FYB2: variants seen among roughly 807,000 people sequenced by gnomAD.
FYB2 encodes FYN binding protein 2.
In FYB2, 103 loss-of-function variants were observed where a neutral mutation model predicts 94.1. The ratio of observed to expected loss-of-function variants is 1.09; its 90% CI spans 0.93 to 1.29. The LOEUF is 1.29. FYB2 is among the 50% of genes most tolerant of loss of function. FYB2 has a pLI of 0.00. For missense variants in FYB2, 896 were observed against 841.5 expected (o/e 1.06, Z -0.80); for synonymous variants, 293 against 287.9 (o/e 1.02, Z -0.18).
chr1:56,788,882 A>C (rs1292307133), intron 3 of FYB2, 91 bp downstream of exon 3: 1 of 1,526,628 alleles, frequency 6.6e-7, no homozygotes, highest in African/African-American at 1.4e-5. Flanking sequence ...GCCTCATGGA[A>C]AAGCAGCAGC....
intron 6 of FYB2, among the ~76,000 whole-genome samples, chr1:56,756,636 A>G (rs1645338735): frequency 1.3e-5 from 2 of 152,182 alleles, no homozygotes; most frequent in African/African-American, 4.8e-5. Context: ...AGCAAATTAG[A>G]TGCAGCACTG....
At chr1:56,742,253 A>G in intron 11 of FYB2, 32 bp from the exon 12 acceptor site, 1 of 1,473,122 alleles carries the variant, frequency 6.8e-7, no homozygotes, top group Non-Finnish European at 9.4e-7. Context: ...ACTTATATTC[A>G]TTATAATAGC....
At chr1:56,737,038 GA>G (rs2100578245) in intron 15 of FYB2, 48 bp downstream of exon 15, 1 of 1,366,548 alleles carries the variant, frequency 7.3e-7, no homozygotes, top group East Asian at 2.3e-5. Context: ...AAAGCATCAG[GA>G]AATGGGTCAA....
rs577069583 is a variant in FYB2 at position 56,761,238 on chromosome 1, G to A, written c.1064-2488C>T. ...ACATAATAAAAATAATAATTTAAAA[G>A]AAACTAACATTTTTTATACTTATAG... On this transcript the variant is annotated intron_variant, in intron 5 of 19. Transcript: ENST00000343433. Among the ~76,000 whole-genome samples the A allele has an allele frequency of 9.2e-5, 14 of 152,220 alleles. No homozygotes were observed. In the East Asian group the frequency reaches 2.7e-3, roughly 29 times the overall value.
intron 3 of FYB2, 185 bp downstream of exon 3, chr1:56,788,788 T>C: frequency 2.6e-6 from 2 of 771,170 alleles, no homozygotes; most frequent in Non-Finnish European, 4.2e-6. Flanking sequence ...CTAGGAGCGA[T>C]AAAGGGCCAA....
At chr1:56,819,259 C>T in intron 1 of FYB2, 23 bp downstream of exon 1, 1 of 1,614,234 alleles carries the variant, frequency 6.2e-7, no homozygotes, top group Non-Finnish European at 8.5e-7. Flanking sequence ...AGAAAGCCAG[C>T]AACAAAACTG....
chr1:56,815,080 G>C (rs982892110), intron 1 of FYB2, among the ~76,000 whole-genome samples: 1 of 152,102 alleles, frequency 6.6e-6, no homozygotes, highest in Non-Finnish European at 1.5e-5. Context: ...TCAATATCCA[G>C]ATCCTATTTG....
intron 5 of FYB2, among the ~76,000 whole-genome samples, chr1:56,763,302 A>C (rs116403248): frequency 0.027 from 4,093 of 152,174 alleles, 79 homozygotes; most frequent in Non-Finnish European, 0.045. Context: ...TTTCTCCTCC[A>C]TTTTTGGGAA....
intron 5 of FYB2, among the ~76,000 whole-genome samples, chr1:56,766,318 G>A (rs12410615): frequency 0.2 from 30,324 of 152,184 alleles, 3,596 homozygotes; most frequent in East Asian, 0.42. Flanking sequence ...GTGCTGGGCA[G>A]GGTCAAGAGT....
rs184305426 is a variant in FYB2 at position 56,723,740 on chromosome 1, G to A, written c.1881-59C>T. The A allele has an allele frequency of 3.2e-4, 309 of 977,036 alleles. No homozygotes were observed. In the African/African-American group the frequency reaches 4.5e-3, roughly 14 times the overall value. The allele number at this position is 977,036 out of a possible 1,614,324, so 60.5% of individuals were successfully genotyped here. A position where few individuals can be genotyped will look rare whatever the true frequency, so the allele number is the denominator to read the frequency against. ...CTATAATAAAACTTTTTAAGTTTCT[G>A]AGCCTACGAAGTCACTTCATTTCAG... On this transcript the variant is annotated intron_variant, in intron 16 of 19. Coordinates refer to ENST00000343433, the MANE Select transcript of FYB2 (RefSeq NM_001004303.5).
In FYB2 at chr1:56,767,902, G is replaced by A. The variant is rs374924041; in HGVS notation, c.990C>T (p.Tyr330=). The A allele has an allele frequency of 1.7e-5, 27 of 1,611,338 alleles. No individual in the cohort carries two copies. The highest frequency in any genetic ancestry group is 8.0e-5 in the African/African-American group (6 of 74,730). Residue 330 remains tyrosine (Y), a synonymous_variant, in exon 5 of 20, where the codon TAC becomes TAT. Transcript: ENST00000343433. The stretch of plus-strand genomic sequence containing the variant: ...GTCTCAGATATGAAATTGTTGCCTC[G>A]TAATTATGTGGTTCTTCAAATTCTG... The part of the protein sequence containing the change: ...FNAEFEEPHN[Y]EATISYLRHS...
At chr1:56,779,917 C>A (rs1570122246) in intron 4 of FYB2, among the ~76,000 whole-genome samples, 1 of 152,072 alleles carries the variant, frequency 6.6e-6, no homozygotes, top group Admixed American at 6.6e-5. Flanking sequence ...TGAAACAGGG[C>A]AAGCCATGGT....
intron 1 of FYB2, among the ~76,000 whole-genome samples, chr1:56,794,713 G>A (rs755004662): frequency 1.3e-4 from 20 of 151,934 alleles, no homozygotes; most frequent in Non-Finnish European, 2.9e-4. Context: ...CACATAGCCA[G>A]CAGACAAGTT....
intron 1 of FYB2, among the ~76,000 whole-genome samples, chr1:56,816,934 A>C (rs553617885): frequency 6.6e-6 from 1 of 150,726 alleles, no homozygotes; most frequent in South Asian, 2.1e-4. Flanking sequence ...CCAGCATCTG[A>C]CCACTTCTAG....
At chr1:56,736,987 C>A in intron 15 of FYB2, 100 bp downstream of exon 15, 1 of 911,874 alleles carries the variant, frequency 1.1e-6, no homozygotes, top group African/African-American at 1.7e-5. Flanking sequence ...TTCATTCAAT[C>A]TCCAAGGATC....
chr1:56,730,953 TC>T (rs1004213493), intron 15 of FYB2, among the ~76,000 whole-genome samples: 2 of 152,068 alleles, frequency 1.3e-5, no homozygotes, highest in Non-Finnish European at 1.5e-5. Context: ...GTGTGATATA[TC>T]CCAGAAATGC....
chr1:56,812,699 C>T (rs181387309), intron 1 of FYB2, among the ~76,000 whole-genome samples: 29 of 152,210 alleles, frequency 1.9e-4, no homozygotes, highest in Non-Finnish European at 2.9e-4. Flanking sequence ...TGACCATGGT[C>T]GCAGGATCAT....
rs1458784115 is a variant in FYB2 at position 56,753,838 on chromosome 1, C to A, written c.1227+1G>T. The A allele has an allele frequency of 1.3e-6, 2 of 1,596,716 alleles. No individual in the cohort carries two copies. Among genetic ancestry groups the A allele is most frequent in the South Asian group, 1.1e-5 (1 of 90,756 alleles). ...CTGCAGGAACCGTAGAACATAGGTA[C>A]CTTGAAAACATGGTTTGAATATGGT... On this transcript the variant is annotated splice_donor_variant, in intron 8 of 19. Coordinates refer to ENST00000343433, the MANE Select transcript of FYB2 (RefSeq NM_001004303.5). LOFTEE classifies it high-confidence loss of function.
At chr1:56,753,971 C>A in intron 7 of FYB2, 36 bp from the exon 8 acceptor site, 1 of 1,346,550 alleles carries the variant, frequency 7.4e-7, no homozygotes, top group Non-Finnish European at 1.1e-6. Flanking sequence ...AAAAATGAAG[C>A]TTAGAGTGTT....
Sources: allele counts gnomAD v4.1 joint callset (sites outside exome capture counted in the v4.1 genomes callset), GRCh38; gene constraint gnomAD v4.1.1; transcripts MANE v1.5; gene names NCBI Gene and HGNC (gene_info 2026-07-23, HGNC 2026-07-21).